ZNF831: variants seen among roughly 807,000 people sequenced by gnomAD.
ZNF831 encodes the protein zinc finger protein 831.
A neutral mutation model predicts 95.8 loss-of-function variants in ZNF831; 59 were observed. The observed-to-expected ratio is 0.62, with a 90% CI of 0.50 to 0.77. ZNF831 has a LOEUF of 0.77. Ranked by LOEUF, ZNF831 falls within the 30% of genes least tolerant of loss-of-function variation. ZNF831 has a pLI of 0.00. For synonymous variants in ZNF831, 961 were observed against 925.5 expected (o/e 1.04, Z -0.70); for missense variants, 2,205 against 2,164.0 (o/e 1.02, Z -0.38).
intron 4 of ZNF831, among the ~76,000 whole-genome samples, chr20:59,243,436 TTTC>T (rs1307897132): frequency 6.6e-6 from 1 of 152,226 alleles, no homozygotes; most frequent in African/African-American, 2.4e-5. Context: ...ATGAGAGTTA[TTTC>T]TTCTTTTTAT....
chr20:59,250,114 T>C (rs947516307), intron 4 of ZNF831, among the ~76,000 whole-genome samples: 1 of 152,230 alleles, frequency 6.6e-6, no homozygotes, highest in Non-Finnish European at 1.5e-5. Context: ...TTTCTACTTC[T>C]CAGAGCTTGG....
intron 1 of ZNF831, among the ~76,000 whole-genome samples, chr20:59,135,143 G>A (rs1175412113): frequency 1.3e-5 from 2 of 152,090 alleles, no homozygotes; most frequent in Non-Finnish European, 2.9e-5. Flanking sequence ...AGATCACTGG[G>A]CTCATGTTCT....
chr20:59,195,670 G>A (rs1984043283), intron 2 of ZNF831, 199 bp from the exon 3 acceptor site: 1 of 668,866 alleles, frequency 1.5e-6, no homozygotes, highest in Non-Finnish European at 1.8e-6. Flanking sequence ...AGCCCAGGCG[G>A]GGTTTCAGGA....
At chr20:59,207,155 A>G in intron 4 of ZNF831, 99 bp downstream of exon 4, 1 of 1,456,418 alleles carries the variant, frequency 6.9e-7, no homozygotes, top group Middle Eastern at 2.5e-4. Context: ...GTCAGCCCCA[A>G]GTGCCACAGG....
intron 4 of ZNF831, among the ~76,000 whole-genome samples, chr20:59,212,148 C>G (rs1016079485): frequency 6.6e-6 from 1 of 152,104 alleles, no homozygotes; most frequent in Non-Finnish European, 1.5e-5. Flanking sequence ...TTTGGAGACA[C>G]TTCCTGTCAA....
At chr20:59,253,873 T>G in intron 5 of ZNF831, 25 bp from the exon 6 acceptor site, 1 of 760,144 alleles carries the variant, frequency 1.3e-6, no homozygotes, top group Non-Finnish European at 1.9e-6. Context: ...CCCCCACTTT[T>G]TTTTTCCTTT....
chr20:59,180,937 G>A lies in ZNF831; in HGVS notation c.-36-10047G>A, dbSNP rs182901547. 2.6e-3 allele frequency among the ~76,000 whole-genome samples: 390 copies of A among 152,280 alleles called. 3 individuals carry two copies. Among genetic ancestry groups the A allele is most frequent in the African/African-American group, 9.1e-3 (378 of 41,546 alleles). ...ATGGTATTTCTGGTTCCAGATCCTT[G>A]AGGAATCGCCACATTGTCTTCCACA... On this transcript the variant is annotated intron_variant, in intron 1 of 5. Transcript: ENST00000371030.
chr20:59,138,279 T>C (rs966856127), intron 1 of ZNF831, among the ~76,000 whole-genome samples: 1 of 152,222 alleles, frequency 6.6e-6, no homozygotes, highest in Non-Finnish European at 1.5e-5. Flanking sequence ...ATAATCAGGA[T>C]GAAGCTGTGG....
intron 1 of ZNF831, among the ~76,000 whole-genome samples, chr20:59,170,267 C>T (rs1466486150): frequency 6.6e-6 from 1 of 152,090 alleles, no homozygotes; most frequent in Admixed American, 6.5e-5. Context: ...CTAATGTAAA[C>T]ATTTAGTGCT....
chr20:59,205,516 A>G (rs971979480), intron 3 of ZNF831, among the ~76,000 whole-genome samples: 6 of 152,350 alleles, frequency 3.9e-5, no homozygotes, highest in Non-Finnish European at 7.3e-5. Context: ...GATGAACAAA[A>G]TGTCACTTTC....
rs1411270964 is a variant in ZNF831, at chr20:59,254,009, C to T, written c.4300C>T (p.Pro1434Ser). Residue 1434 changes from proline (P) to serine (S), a missense_variant, in exon 6 of 6, where the codon CCT becomes TCT. Coordinates refer to ENST00000371030, the MANE Select transcript of ZNF831 (RefSeq NM_178457.3). This position sits in a 1 kb window ranked among gnomAD's most constrained non-coding sequence, Gnocchi z 4.5. Reference protein sequence around the residue: ...DTCLAVVNDVPLPPGKGLDLG... With the variant: ...DTCLAVVNDVSLPPGKGLDLG... ...CTGCCTGGCAGTGGTTAATGACGTGCCTCTACCCCCTGGCAAAGGTCTTGA... is the reference window on the plus strand; with the variant it reads ...CTGCCTGGCAGTGGTTAATGACGTGTCTCTACCCCCTGGCAAAGGTCTTGA... The T allele has an allele frequency of 2.5e-6, 4 of 1,613,960 alleles. No individual in the cohort carries two copies. The African/African-American group carries it at 4.0e-5, about 16-fold the overall frequency.
chr20:59,253,015 A>G lies in ZNF831; in HGVS notation c.4065A>G (p.Ser1355=). ...NLQEEPSCAT[S]ESPPCCGKEE... is the part of the protein sequence containing the mutation. ...AAGAGGAGCCATCTTGTGCCACCTC[A>G]GAATCACCTCCTTGTTGTGGGAAGG... is the stretch of plus-strand genomic sequence containing the variant. The change falls in exon 5 of 6, where the codon TCA becomes TCG. Residue 1355 remains serine, a synonymous_variant. Coordinates refer to ENST00000371030, the MANE Select transcript of ZNF831 (RefSeq NM_178457.3). The G allele has an allele frequency of 6.2e-7, 1 of 1,614,096 alleles. No homozygotes were observed. The highest frequency in any genetic ancestry group is 8.5e-7 in the Non-Finnish European group (1 of 1,179,974).
At chr20:59,249,774 A>G (rs1335558763) in intron 4 of ZNF831, among the ~76,000 whole-genome samples, 2 of 152,200 alleles carry the variant, frequency 1.3e-5, no homozygotes, top group Non-Finnish European at 2.9e-5. Context: ...AGATATAAGA[A>G]GTGGAACTGT....
chr20:59,200,084 A>G (rs545871965), intron 3 of ZNF831, among the ~76,000 whole-genome samples: 1 of 152,262 alleles, frequency 6.6e-6, no homozygotes, highest in African/African-American at 2.4e-5. Flanking sequence ...TAGACTACTC[A>G]TCTGTCTTTT....
In ZNF831 at chr20:59,253,995, T is replaced by C. The variant is rs1261986215; in HGVS notation, c.4286T>C (p.Val1429Ala). 6.2e-7 allele frequency: 1 copy of C among 1,613,836 alleles called. No individual in the cohort carries two copies. The highest frequency in any genetic ancestry group is 8.5e-7 in the Non-Finnish European group (1 of 1,180,018). The change falls in exon 6 of 6, where the codon GTG (valine) becomes GCG (alanine). Residue 1429 changes from valine to alanine, a missense_variant. Val to Ala is a moderately conservative substitution (Grantham distance 64). Transcript: ENST00000371030. ...CTGCAATCTGACACCTGCCTGGCAGTGGTTAATGACGTGCCTCTACCCCCT... is the reference window on the plus strand; with the variant it reads ...CTGCAATCTGACACCTGCCTGGCAGCGGTTAATGACGTGCCTCTACCCCCT... ...LSLQSDTCLAVVNDVPLPPGK... is the reference protein window; with the variant it reads ...LSLQSDTCLAAVNDVPLPPGK...
intron 4 of ZNF831, among the ~76,000 whole-genome samples, chr20:59,222,353 G>C (rs1427382376): frequency 4.6e-5 from 7 of 152,130 alleles, no homozygotes; most frequent in African/African-American, 1.4e-4. Flanking sequence ...CTGGTGGGTG[G>C]GCGCCCGGGG....
At chr20:59,251,123 C>G (rs932388762) in intron 4 of ZNF831, among the ~76,000 whole-genome samples, 3 of 152,060 alleles carry the variant, frequency 2.0e-5, no homozygotes, top group Non-Finnish European at 4.4e-5. Flanking sequence ...TTTAGCCAAC[C>G]TACAATGTGT....
chr20:59,239,957 C>G (rs1239335541), intron 4 of ZNF831, among the ~76,000 whole-genome samples: 1 of 152,340 alleles, frequency 6.6e-6, no homozygotes, highest in African/African-American at 2.4e-5. Context: ...AGGTAGACAG[C>G]CCTGTGCTAT....
rs2146579026 is a variant in ZNF831 at position 59,193,211 on chromosome 20, C to A, written c.2192C>A (p.Ser731Tyr). The change falls in exon 2 of 6, where the codon TCC (serine) becomes TAC (tyrosine). Residue 731 changes from serine (S) to tyrosine (Y), a missense_variant. Ser to Tyr is a moderately radical substitution (Grantham distance 144). Transcript: ENST00000371030. ...CCCAGGGTGGAAGAGGCTGTGTCAT[C>A]CCCTGCACTGGGTGGCAGAGACAGT... ...DRPRVEEAVS[S>Y]PALGGRDSPC... 1 of 1,587,378 alleles carries A rather than the reference C, an allele frequency of 6.3e-7. No individual in the cohort carries two copies. Among genetic ancestry groups the A allele is most frequent in the Non-Finnish European group, 8.6e-7 (1 of 1,166,644 alleles).
Sources: allele counts gnomAD v4.1 joint callset (sites outside exome capture counted in the v4.1 genomes callset), GRCh38; gene constraint gnomAD v4.1.1; non-coding constraint Gnocchi (gnomAD v3.1); transcripts MANE v1.5; gene names NCBI Gene and HGNC (gene_info 2026-07-23, HGNC 2026-07-21).